The following MYEF2 variants were observed in gnomAD, a reference collection of about 807,000 sequenced individuals.
MYEF2 encodes the protein myelin expression factor 2.
MYEF2 carries 37 observed loss-of-function variants against 75.2 expected under a neutral mutation model. The observed-to-expected ratio is 0.49, with a 90% CI of 0.38 to 0.65. The LOEUF (loss-of-function observed/expected upper bound fraction) is 0.65, where lower values mean the gene tolerates loss of function less well. Among genes scored for constraint, MYEF2 ranks in the 30% least tolerant of loss-of-function variants. The pLI, the probability that MYEF2 is intolerant of heterozygous loss-of-function variation, is 0.00. For synonymous variants in MYEF2, 195 were observed against 241.6 expected, an observed-to-expected ratio of 0.81 and a Z score of 1.79; for missense variants, 634 against 771.4, an observed-to-expected ratio of 0.82 and a Z score of 2.11.
At chr15:48,163,869 T>C (rs1283307951) in intron 5 of MYEF2, among the ~76,000 whole-genome samples, 3 of 152,162 alleles carry the variant, frequency 2.0e-5, no homozygotes, top group Admixed American at 6.5e-5. Context: ...CTGAATATTT[T>C]AAGCCCACTG....
At chr15:48,145,816 G>A (rs985972803) in intron 16 of MYEF2, among the ~76,000 whole-genome samples, 2 of 151,878 alleles carry the variant, frequency 1.3e-5, no homozygotes, top group African/African-American at 4.8e-5. Context: ...GTATTCTGTT[G>A]TTTCTTTACA....
intron 3 of MYEF2, 99 bp downstream of exon 3, chr15:48,167,250 T>C (rs2040165432): frequency 6.6e-6 from 8 of 1,207,206 alleles, no homozygotes; most frequent in Non-Finnish European, 9.6e-6. Context: ...TAAAACAAAA[T>C]GAAACTTAAG....
At position 48,142,854 on chromosome 15, in the gene MYEF2, T is replaced by C; in HGVS notation, c.*54A>G. The C allele has an allele frequency of 1.3e-6, 2 of 1,499,310 alleles. No homozygotes were observed. Among genetic ancestry groups the C allele is most frequent in the Non-Finnish European group, 1.8e-6 (2 of 1,120,410 alleles). The allele number at this position is 1,499,310 out of a possible 1,614,324, so 92.9% of individuals were successfully genotyped here. A position where few individuals can be genotyped will look rare whatever the true frequency, so the allele number is the denominator to read the frequency against. On this transcript the variant is annotated 3_prime_UTR_variant, in exon 17 of 17. Coordinates refer to ENST00000324324, the MANE Select transcript of MYEF2 (RefSeq NM_016132.5). ...CAATATTACTTTAAAAAAATGACTT[T>C]TACTAGGAGATTCAGCAAAACAGAT...
At chr15:48,159,369 G>T (rs1054451607) in intron 6 of MYEF2, among the ~76,000 whole-genome samples, 3 of 152,004 alleles carry the variant, frequency 2.0e-5, no homozygotes, top group Non-Finnish European at 4.4e-5. Flanking sequence ...GCTTGAATGT[G>T]TATAAACTGC....
chr15:48,154,819 A>G (rs2039629871), intron 9 of MYEF2, among the ~76,000 whole-genome samples: 1 of 152,118 alleles, frequency 6.6e-6, no homozygotes, highest in African/African-American at 2.4e-5. Flanking sequence ...ATGGTAAATA[A>G]CATTGTCTAA....
chr15:48,141,168 A>T lies in MYEF2; in HGVS notation c.*1740T>A. 1 of 1,614,012 alleles carries T rather than the reference A, an allele frequency of 6.2e-7. No individual in the cohort carries two copies. The highest frequency in any genetic ancestry group is 1.7e-5 in the Admixed American group (1 of 60,018). ...TGGGCCTTACTTTATTAGCAGCAGG[A>T]ACAAGCATACCAGACACAATTGCAA... On this transcript the variant is annotated 3_prime_UTR_variant, in exon 17 of 17. Coordinates refer to ENST00000324324, the MANE Select transcript of MYEF2 (RefSeq NM_016132.5).
chr15:48,151,125 G>A lies in MYEF2; in HGVS notation c.1353C>T (p.Asn451=), dbSNP rs749684354. Reference sequence around the variant, plus strand: ...TTATTCCAGATCCTACTGGACCCATGTTAGAAGATCCTATTCTTCCTGCAA... The same window carrying A: ...TTATTCCAGATCCTACTGGACCCATATTAGAAGATCCTATTCTTCCTGCAA... ...GGFAGRIGSS[N]MGPVGSGISG... Residue 451 remains asparagine (N), a synonymous_variant, in exon 14 of 17, where the codon AAC becomes AAT. Coordinates refer to ENST00000324324, the MANE Select transcript of MYEF2 (RefSeq NM_016132.5). 51 of 1,610,644 alleles carry A rather than the reference G, an allele frequency of 3.2e-5. No homozygotes were observed. The Middle Eastern group carries it at 4.9e-4, about 16-fold the overall frequency.
chr15:48,146,455 T>C (rs915017592), intron 16 of MYEF2, among the ~76,000 whole-genome samples: 1 of 151,908 alleles, frequency 6.6e-6, no homozygotes, highest in African/African-American at 2.4e-5. Context: ...TTTGGAAAGA[T>C]CTGAAAACAA....
rs1281446203 is a variant in MYEF2, at chr15:48,139,785, A to C, written c.*3123T>G. 6.6e-6 allele frequency: 1 copy of C among 152,164 alleles called. No individual in the cohort carries two copies. Among genetic ancestry groups the C allele is most frequent in the Non-Finnish European group, 1.5e-5 (1 of 67,980 alleles). 9.4% of individuals were successfully genotyped at this position (152,164 alleles called of 1,614,324 possible). On this transcript the variant is annotated 3_prime_UTR_variant, in exon 17 of 17. Coordinates refer to ENST00000324324, the MANE Select transcript of MYEF2 (RefSeq NM_016132.5). ...AAAAAAACTATGAACAAAGACAAAA[A>C]TAATCTGTAATTTCTCCTACAAAGG...
intron 16 of MYEF2, among the ~76,000 whole-genome samples, chr15:48,147,354 T>G (rs930361249): frequency 1.1e-4 from 16 of 152,008 alleles, no homozygotes; most frequent in Non-Finnish European, 1.5e-5. Flanking sequence ...GGTCACCTTT[T>G]CATTGTCATT....
At chr15:48,163,666 G>T (rs2040033182) in intron 5 of MYEF2, among the ~76,000 whole-genome samples, 1 of 152,150 alleles carries the variant, frequency 6.6e-6, no homozygotes. Context: ...TGGCTTCAAA[G>T]CTTCAAAGGC....
chr15:48,143,508 T>G (rs1435509939), intron 16 of MYEF2, among the ~76,000 whole-genome samples: 2 of 152,048 alleles, frequency 1.3e-5, no homozygotes, highest in Non-Finnish European at 2.9e-5. Flanking sequence ...TTTCACTCCT[T>G]TATCCCCTGC....
chr15:48,143,296 C>G (rs1567237353), intron 16 of MYEF2, among the ~76,000 whole-genome samples: 1 of 151,988 alleles, frequency 6.6e-6, no homozygotes, highest in Non-Finnish European at 1.5e-5. Flanking sequence ...GAAAGATTTT[C>G]TTAGGATTTA....
At position 48,165,920 on chromosome 15, in the gene MYEF2, T is replaced by G; in HGVS notation, c.525+13A>C. ...TAGTCAAATGTTTAAATTCTAAATA[T>G]GAGAAATCTTACCTCTTTAATATTA... On this transcript the variant is annotated intron_variant, in intron 5 of 16. Transcript: ENST00000324324. 158 of 1,460,318 alleles carry G rather than the reference T, an allele frequency of 1.1e-4. No homozygotes were observed. Among genetic ancestry groups the G allele is most frequent in the Middle Eastern group, 1.8e-4 (1 of 5,420 alleles). The allele number at this position is 1,460,318 out of a possible 1,614,324, so 90.5% of individuals were successfully genotyped here. A position where few individuals can be genotyped will look rare whatever the true frequency, so the allele number is the denominator to read the frequency against.
At chr15:48,161,777 G>A (rs2140897301) in intron 5 of MYEF2, among the ~76,000 whole-genome samples, 1 of 150,044 alleles carries the variant, frequency 6.7e-6, no homozygotes, top group Admixed American at 6.6e-5. Context: ...GTCCTTTGAA[G>A]AGAAACAGAA....
At position 48,159,771 on chromosome 15, in the gene MYEF2, G is replaced by T. The variant is rs967460130; in HGVS notation, c.559C>A (p.Gln187Lys). ...CCTGGAAATGATCCTCCTGTTCGCTGCAATGCCCTACGAGCATTTTCTCCA... is the reference window on the plus strand; with the variant it reads ...CCTGGAAATGATCCTCCTGTTCGCTTCAATGCCCTACGAGCATTTTCTCCA... ...PDGENARRAL[Q>K]RTGGSFPGGH... Residue 187 changes from glutamine to lysine, a missense_variant, in exon 6 of 17, where the codon CAG (glutamine) becomes AAG (lysine). Transcript: ENST00000324324. 6 of 1,613,076 alleles carry T rather than the reference G, an allele frequency of 3.7e-6. No individual in the cohort carries two copies. Among genetic ancestry groups the T allele is most frequent in the Non-Finnish European group, 5.1e-6 (6 of 1,179,620 alleles).
In MYEF2 at chr15:48,142,413, T is replaced by G; in HGVS notation, c.*495A>C. The G allele has an allele frequency of 4.2e-6, 5 of 1,193,304 alleles. No homozygotes were observed. The highest frequency in any genetic ancestry group is 5.7e-6 in the Non-Finnish European group (5 of 875,210). 73.9% of individuals were successfully genotyped at this position (1,193,304 alleles called of 1,614,324 possible). A position where few individuals can be genotyped will look rare whatever the true frequency, so the allele number is the denominator to read the frequency against. On this transcript the variant is annotated 3_prime_UTR_variant, in exon 17 of 17. Coordinates refer to ENST00000324324, the MANE Select transcript of MYEF2 (RefSeq NM_016132.5). Reference sequence around the variant, plus strand: ...AGGGAGGGGCAGAGAGAAAAATCCATTTCTTCATTTAAATCAAATTTTAAA... The same window carrying G: ...AGGGAGGGGCAGAGAGAAAAATCCAGTTCTTCATTTAAATCAAATTTTAAA...
Position 48,142,401 on chromosome 15 carries a change from G to C in MYEF2, c.*507C>G, listed in dbSNP as rs1645624757. On this transcript the variant is annotated 3_prime_UTR_variant, in exon 17 of 17. Coordinates refer to ENST00000324324, the MANE Select transcript of MYEF2 (RefSeq NM_016132.5). ...AATATGAATGGCAGGGAGGGGCAGA[G>C]AGAAAAATCCATTTCTTCATTTAAA... The C allele has an allele frequency of 1.6e-6, 2 of 1,242,206 alleles. No individual in the cohort carries two copies. Among genetic ancestry groups the C allele is most frequent in the East Asian group, 2.4e-5 (1 of 41,692 alleles). The allele number at this position is 1,242,206 out of a possible 1,614,324, so 76.9% of individuals were successfully genotyped here.
At chr15:48,160,009 T>A (rs1336442136) in intron 5 of MYEF2, among the ~76,000 whole-genome samples, 1 of 152,054 alleles carries the variant, frequency 6.6e-6, no homozygotes, top group East Asian at 1.9e-4. Flanking sequence ...GAGATGTCAG[T>A]TAATTTTTTT....
Sources: allele counts gnomAD v4.1 joint callset (sites outside exome capture counted in the v4.1 genomes callset), GRCh38; gene constraint gnomAD v4.1.1; transcripts MANE v1.5; gene names NCBI Gene and HGNC (gene_info 2026-07-23, HGNC 2026-07-21).